The following CSMD1 variants were observed in gnomAD, a reference collection of about 807,000 sequenced individuals.
CSMD1 encodes CUB and Sushi multiple domains 1, also known as CUB and sushi domain-containing protein 1.
A neutral mutation model predicts 417.5 loss-of-function variants in CSMD1; 213 were observed. The observed-to-expected ratio is 0.51, with a 90% CI of 0.46 to 0.57. CSMD1 has a LOEUF of 0.57. CSMD1 is among the 20% of genes least tolerant of loss of function. The pLI is 0.00. For missense variants in CSMD1, 6,923 were observed against 4,529.7 expected (o/e 1.53, Z -15.17); for synonymous variants, 2,862 against 1,736.8 (o/e 1.65, Z -16.11).
rs547976299 is a variant in CSMD1, at chr8:4,018,143, T to C, written c.610+13762A>G. 8.9e-4 allele frequency among the ~76,000 whole-genome samples: 135 copies of C among 152,322 alleles called. 2 individuals are homozygous for C. Among genetic ancestry groups the C allele is most frequent in the Non-Finnish European group, 1.6e-3 (108 of 68,022 alleles). On this transcript the variant is annotated intron_variant, in intron 4 of 69. Transcript: ENST00000635120. ...ACAAAGTGTTTTGTGTGTTTTTATGTCTTTTTTCAAAGAAACCCTTTATAA... is the reference window on the plus strand; with the variant it reads ...ACAAAGTGTTTTGTGTGTTTTTATGCCTTTTTTCAAAGAAACCCTTTATAA...
At chr8:3,417,952 G>T (rs1010577110) in intron 12 of CSMD1, among the ~76,000 whole-genome samples, 4 of 152,156 alleles carry the variant, frequency 2.6e-5, no homozygotes, top group African/African-American at 9.7e-5. Flanking sequence ...AGCCTCCCAT[G>T]ACTCTCTCCT....
chr8:4,871,345 G>A (rs1340594299), intron 1 of CSMD1, among the ~76,000 whole-genome samples: 1 of 152,040 alleles, frequency 6.6e-6, no homozygotes, highest in African/African-American at 2.4e-5. Context: ...TTCCAGCTAT[G>A]CATATTGATA....
intron 1 of CSMD1, among the ~76,000 whole-genome samples, chr8:4,898,925 T>C (rs910102275): frequency 6.6e-6 from 1 of 152,216 alleles, no homozygotes; most frequent in African/African-American, 2.4e-5. Context: ...GATTTAGAGA[T>C]AATGAATTTT....
chr8:4,681,510 G>A (rs1806050402), intron 1 of CSMD1, among the ~76,000 whole-genome samples: 1 of 152,146 alleles, frequency 6.6e-6, no homozygotes, highest in East Asian at 1.9e-4. Flanking sequence ...ACGTTGTTAG[G>A]TAAGCCAAGA....
chr8:4,864,511 T>A (rs987951894), intron 1 of CSMD1, among the ~76,000 whole-genome samples: 5 of 151,818 alleles, frequency 3.3e-5, no homozygotes, highest in Non-Finnish European at 7.4e-5. Context: ...TTCTATTTAG[T>A]TTTTGCATAT....
rs148381176 is a variant in CSMD1, at chr8:3,638,046, T to G, written c.1010-21249A>C. On this transcript the variant is annotated intron_variant, in intron 7 of 69. Coordinates refer to ENST00000635120, the MANE Select transcript of CSMD1 (RefSeq NM_033225.6). ...ATTATAAATTACGCAGTCTCAGGTA[T>G]GTCCTTATAGGAGCATGGCTTTTCT... 3.0e-3 allele frequency among the ~76,000 whole-genome samples: 458 copies of G among 152,258 alleles called. 1 individual carries two copies. Among genetic ancestry groups the G allele is most frequent in the African/African-American group, 0.01 (434 of 41,550 alleles).
At chr8:3,338,833 T>A (rs1461767170) in intron 23 of CSMD1, among the ~76,000 whole-genome samples, 1 of 151,748 alleles carries the variant, frequency 6.6e-6, no homozygotes, top group African/African-American at 2.4e-5. Context: ...TTTAAATTTT[T>A]ATTTTTATAT....
chr8:3,320,272 G>C (rs935069704), intron 23 of CSMD1, among the ~76,000 whole-genome samples: 1 of 152,120 alleles, frequency 6.6e-6, no homozygotes, highest in African/African-American at 2.4e-5. Flanking sequence ...AGACAACTGA[G>C]TTCTTCCCAA....
chr8:3,868,976 G>T (rs1805293559), intron 5 of CSMD1, among the ~76,000 whole-genome samples: 4 of 152,292 alleles, frequency 2.6e-5, no homozygotes, highest in Admixed American at 1.3e-4. Flanking sequence ...TAACTCTTCT[G>T]CTCAGATGAT....
chr8:3,641,229 C>G (rs1460441370), intron 7 of CSMD1, among the ~76,000 whole-genome samples: 2 of 152,112 alleles, frequency 1.3e-5, no homozygotes, highest in African/African-American at 4.8e-5. Context: ...CACTTGGCTG[C>G]TTCTCTGTGA....
chr8:3,406,004 G>A (rs546675916), intron 15 of CSMD1, 23 bp downstream of exon 15: 2 of 1,607,262 alleles, frequency 1.2e-6, no homozygotes, highest in South Asian at 2.2e-5. Flanking sequence ...AAGGAGAAGA[G>A]CGGGGGGTGG....
chr8:3,094,776 T>C (rs1815181048), intron 47 of CSMD1, among the ~76,000 whole-genome samples: 1 of 121,230 alleles, frequency 8.2e-6, no homozygotes, highest in South Asian at 2.5e-4. Flanking sequence ...GGTCCACCTA[T>C]GAACTATAAA....
At chr8:4,354,909 T>TGTGTGTGTGTG (rs201029099) in intron 3 of CSMD1, among the ~76,000 whole-genome samples, 44 of 146,894 alleles carry the variant, frequency 3.0e-4, no homozygotes, top group South Asian at 6.5e-4. Context: ...TGTGTGTGTG[T>TGTGTGTGTGTG]TAAATATTTG....
At chr8:4,419,229 C>G (rs1797115633) in intron 3 of CSMD1, among the ~76,000 whole-genome samples, 1 of 152,138 alleles carries the variant, frequency 6.6e-6, no homozygotes, top group African/African-American at 2.4e-5. Flanking sequence ...CAGACAGTAG[C>G]TCTTGTATTA....
intron 1 of CSMD1, among the ~76,000 whole-genome samples, chr8:4,831,255 G>C (rs1159591920): frequency 6.6e-6 from 1 of 152,150 alleles, no homozygotes; most frequent in Non-Finnish European, 1.5e-5. Flanking sequence ...AGAGCATATT[G>C]TAGGTTTGAC....
intron 3 of CSMD1, among the ~76,000 whole-genome samples, chr8:4,073,441 T>C (rs191337193): frequency 2.0e-4 from 31 of 152,260 alleles, no homozygotes; most frequent in South Asian, 4.1e-4. Context: ...TGTTATTCTG[T>C]GCGACTGTCT....
intron 3 of CSMD1, among the ~76,000 whole-genome samples, chr8:4,400,074 A>G (rs1311680361): frequency 1.3e-5 from 2 of 152,172 alleles, no homozygotes; most frequent in African/African-American, 4.8e-5. Context: ...GCATGCCAAA[A>G]GAGAGATCTA....
intron 7 of CSMD1, among the ~76,000 whole-genome samples, chr8:3,652,986 G>C (rs1042281468): frequency 2.0e-5 from 3 of 152,094 alleles, no homozygotes; most frequent in East Asian, 1.9e-4. Flanking sequence ...AATTAGCATT[G>C]TCTGCACTAT....
intron 5 of CSMD1, among the ~76,000 whole-genome samples, chr8:3,770,395 G>T (rs1231832947): frequency 6.6e-6 from 1 of 152,106 alleles, no homozygotes; most frequent in Non-Finnish European, 1.5e-5. Flanking sequence ...CAGGCACGGT[G>T]GTGCGTGCCT....
Sources: gnomAD v4.1 joint callset for allele counts (sites outside exome capture counted in the v4.1 genomes callset) on GRCh38, gnomAD v4.1.1 for gene constraint, MANE v1.5 for transcripts, NCBI Gene and HGNC (gene_info 2026-07-23, HGNC 2026-07-21) for gene names.